DGKI: variants seen among roughly 807,000 people sequenced by gnomAD.
The protein encoded by DGKI is DAG kinase iota.
A neutral mutation model predicts 147.5 loss-of-function variants in DGKI; 55 were observed. That is an observed-to-expected ratio of 0.37 (90% confidence interval 0.30 to 0.47). The LOEUF (loss-of-function observed/expected upper bound fraction) is 0.47, where lower values mean the gene tolerates loss of function less well. Among genes scored for constraint, DGKI ranks in the 20% least tolerant of loss-of-function variants. The pLI is 1.00. For synonymous variants in DGKI, 469 were observed against 477.1 expected (o/e 0.98, Z 0.22); for missense variants, 1,007 against 1,323.8 (o/e 0.76, Z 3.71).
chr7:137,722,134 A>C (rs76170490), intron 1 of DGKI: 10 of 1,599,124 alleles, frequency 6.3e-6, no homozygotes, highest in Middle Eastern at 1.8e-4. Context: ...CAACCCTGTC[A>C]TTGTCAGAGG....
chr7:137,405,310 A>G (rs1198994892), intron 30 of DGKI, among the ~76,000 whole-genome samples: 1 of 152,080 alleles, frequency 6.6e-6, no homozygotes, highest in Non-Finnish European at 1.5e-5. Flanking sequence ...CAGTGGTGCA[A>G]TTCTAGCTCA....
At chr7:137,705,093 C>T (rs2882781) in intron 1 of DGKI, among the ~76,000 whole-genome samples, 49,604 of 151,888 alleles carry the variant, frequency 0.33, 8,877 homozygotes, top group South Asian at 0.49. Context: ...AATAAAAAGA[C>T]AGAGAACACT....
chr7:137,834,779 T>C (rs187992050), intron 1 of DGKI, among the ~76,000 whole-genome samples: 22 of 152,366 alleles, frequency 1.4e-4, no homozygotes, highest in African/African-American at 4.8e-4. Flanking sequence ...ACAACAGAGA[T>C]GGCAGAAATG....
chr7:137,716,239 T>C (rs1348636298), intron 1 of DGKI, among the ~76,000 whole-genome samples: 1 of 152,234 alleles, frequency 6.6e-6, no homozygotes, highest in Non-Finnish European at 1.5e-5. Flanking sequence ...AACTGTCTTA[T>C]TGTAATTTTG....
chr7:137,534,280 C>A (rs1415652297), intron 20 of DGKI, among the ~76,000 whole-genome samples: 1 of 151,932 alleles, frequency 6.6e-6, no homozygotes, highest in East Asian at 1.9e-4. Context: ...TTCCTGAATG[C>A]AGTAAATCCA....
intron 28 of DGKI, among the ~76,000 whole-genome samples, chr7:137,414,017 A>C (rs1812262766): frequency 6.6e-6 from 1 of 152,210 alleles, no homozygotes. Flanking sequence ...AAATAATTTA[A>C]ATGTATTTTG....
intron 21 of DGKI, among the ~76,000 whole-genome samples, chr7:137,518,488 A>G (rs1160090233): frequency 1.3e-5 from 2 of 152,122 alleles, no homozygotes; most frequent in Admixed American, 6.6e-5. Flanking sequence ...AAACATCCAG[A>G]TAATACTGAA....
intron 27 of DGKI, among the ~76,000 whole-genome samples, chr7:137,447,236 T>C (rs928460674): frequency 1.3e-5 from 2 of 152,258 alleles, no homozygotes; most frequent in Non-Finnish European, 2.9e-5. Flanking sequence ...ACTCTCTCCA[T>C]TTATGTTGAT....
Position 137,654,758 on chromosome 7 carries a change from C to T in DGKI, c.712G>A (p.Glu238Lys). The change falls in exon 5 of 33, where the codon GAA becomes AAA. Residue 238 changes from glutamate (E) to lysine (K), a missense_variant. This residue lies in a region of DGKI where 259 missense variants were observed against 362.5 expected (regional missense o/e 0.71). Transcript: ENST00000614521. ...TCTCTTGGTGACCTTGAGCCTCCTT[C>T]TCGAAATGTTGGTTTACATCTGAAA... Reference protein sequence around the residue: ...INFRCKPTFREGGSRSPRENF... With the variant: ...INFRCKPTFRKGGSRSPRENF... The T allele has an allele frequency of 6.2e-7, 1 of 1,608,900 alleles. No individual in the cohort carries two copies. Among genetic ancestry groups the T allele is most frequent in the Non-Finnish European group, 8.5e-7 (1 of 1,176,352 alleles).
At chr7:137,572,992 A>G (rs1215564985) in intron 17 of DGKI, among the ~76,000 whole-genome samples, 154 bp from the exon 18 acceptor site, 1 of 152,182 alleles carries the variant, frequency 6.6e-6, no homozygotes, top group Admixed American at 6.5e-5. Flanking sequence ...TTAAAAATAT[A>G]TTCTGGTTAT....
In DGKI at chr7:137,821,065, C is replaced by G. The variant is rs115873765; in HGVS notation, c.401+25397G>C. Reference sequence around the variant, plus strand: ...AGTCCCTCAGAAATCCCAGACTGAGCACCTCGTTGGTGCTAAATGAAATCT... The same window carrying G: ...AGTCCCTCAGAAATCCCAGACTGAGGACCTCGTTGGTGCTAAATGAAATCT... On this transcript the variant is annotated intron_variant, in intron 1 of 32. Transcript: ENST00000614521. Among the ~76,000 whole-genome samples, 915 of 152,272 alleles carry G rather than the reference C, an allele frequency of 6.0e-3. 15 individuals carry two copies. Among genetic ancestry groups the G allele is most frequent in the African/African-American group, 0.021 (872 of 41,568 alleles).
At chr7:137,480,136 C>T (rs1210781611) in intron 23 of DGKI, among the ~76,000 whole-genome samples, 1 of 152,120 alleles carries the variant, frequency 6.6e-6, no homozygotes, top group Non-Finnish European at 1.5e-5. Flanking sequence ...AATGACAACT[C>T]CAGTACTGTC....
chr7:137,491,458 T>G (rs1427435857), intron 21 of DGKI, among the ~76,000 whole-genome samples: 1 of 152,186 alleles, frequency 6.6e-6, no homozygotes, highest in Non-Finnish European at 1.5e-5. Context: ...ACAGGCCCAC[T>G]ACCAACATTT....
intron 21 of DGKI, among the ~76,000 whole-genome samples, chr7:137,490,596 T>C (rs765826617): frequency 3.9e-5 from 6 of 152,180 alleles, no homozygotes; most frequent in African/African-American, 7.2e-5. Flanking sequence ...TAGAAAAATA[T>C]TGTAATCTGA....
chr7:137,568,239 C>T (rs1261510983), intron 19 of DGKI, among the ~76,000 whole-genome samples: 1 of 152,202 alleles, frequency 6.6e-6, no homozygotes, highest in Admixed American at 6.5e-5. Context: ...ACTTATAGTT[C>T]CCACAAAGCA....
intron 21 of DGKI, among the ~76,000 whole-genome samples, chr7:137,508,787 TA>T (rs1412649799): frequency 6.6e-6 from 1 of 151,928 alleles, no homozygotes; most frequent in African/African-American, 2.4e-5. Context: ...TTATTGGTAA[TA>T]AGAGACAATT....
intron 1 of DGKI, among the ~76,000 whole-genome samples, chr7:137,690,644 G>T (rs1292088077): frequency 6.6e-6 from 1 of 152,186 alleles, no homozygotes; most frequent in Non-Finnish European, 1.5e-5. Context: ...ACACTAATTA[G>T]ATTTTAGATT....
chr7:137,463,373 A>C, intron 27 of DGKI, 116 bp downstream of exon 27: 1 of 1,427,494 alleles, frequency 7.0e-7, no homozygotes, highest in Non-Finnish European at 9.5e-7. Flanking sequence ...CACCTGCATG[A>C]GACAGCCTGA....
At chr7:137,754,904 G>A (rs1795633277) in intron 1 of DGKI, among the ~76,000 whole-genome samples, 1 of 152,166 alleles carries the variant, frequency 6.6e-6, no homozygotes, top group African/African-American at 2.4e-5. Flanking sequence ...TATCACACGT[G>A]ATGGAACTTT....
Sources: gnomAD v4.1 joint callset for allele counts (sites outside exome capture counted in the v4.1 genomes callset) on GRCh38, gnomAD v4.1.1 for gene constraint, gnomAD v4.1.1 regional missense constraint, MANE v1.5 for transcripts, NCBI Gene and HGNC (gene_info 2026-07-23, HGNC 2026-07-21) for gene names.